Variants in FANCD2 observed in about 807,000 individuals in gnomAD.
FANCD2 encodes Fanconi anemia group D2 protein.
In FANCD2, 131 loss-of-function variants were observed where a neutral mutation model predicts 192.3. The ratio of observed to expected loss-of-function variants is 0.68; its 90% confidence interval spans 0.59 to 0.79. FANCD2 has a LOEUF of 0.79. FANCD2 is among the 30% of genes least tolerant of loss of function. The pLI, the probability that FANCD2 is intolerant of heterozygous loss-of-function variation, is 0.00. For missense variants in FANCD2, 1,508 were observed against 1,701.6 expected (o/e 0.89, Z 2.00); for synonymous variants, 524 against 612.5 (o/e 0.86, Z 2.13).
At chr3:10,045,691 AC>A (rs2086986169) in intron 14 of FANCD2, 1 of 138,624 alleles carries the variant, frequency 7.2e-6, no homozygotes, top group African/African-American at 2.7e-5. Context: ...AACCTCTGTC[AC>A]CCGGGTTCAA....
At chr3:10,050,992 A>G (rs2087184761) in intron 17 of FANCD2, among the ~76,000 whole-genome samples, 1 of 152,050 alleles carries the variant, frequency 6.6e-6, no homozygotes, top group African/African-American at 2.4e-5. Context: ...AGGCTGAGGC[A>G]GGAGAATCAC....
At chr3:10,078,622 G>T (rs1467246067) in intron 30 of FANCD2, among the ~76,000 whole-genome samples, 1 of 151,310 alleles carries the variant, frequency 6.6e-6, no homozygotes, top group East Asian at 2.0e-4. Flanking sequence ...CCAAAGTGCT[G>T]GGATTACGGG....
intron 18 of FANCD2, among the ~76,000 whole-genome samples, chr3:10,053,092 G>A (rs1415755149): frequency 6.1e-5 from 9 of 147,154 alleles, no homozygotes; most frequent in East Asian, 2.0e-4. Flanking sequence ...TGTTTATTGC[G>A]GCACTATTCA....
intron 11 of FANCD2, 22 bp from the exon 12 acceptor site, chr3:10,043,028 A>T (rs754575756): frequency 1.2e-6 from 2 of 1,600,240 alleles, no homozygotes; most frequent in South Asian, 2.2e-5. Context: ...AGAAAACCAT[A>T]GCTAATATTT....
intron 32 of FANCD2, 110 bp from the exon 33 acceptor site, chr3:10,085,702 T>C (rs1379580438): frequency 3.7e-6 from 3 of 811,684 alleles, no homozygotes; most frequent in East Asian, 5.0e-5. Flanking sequence ...TCAATTCTTT[T>C]TTCAAACCGT....
chr3:10,028,233 C>G (rs1207728763), intron 1 of FANCD2, among the ~76,000 whole-genome samples: 1 of 152,072 alleles, frequency 6.6e-6, no homozygotes, highest in Non-Finnish European at 1.5e-5. Context: ...ACTGTAAATT[C>G]CCTGAGGACA....
Position 10,064,859 on chromosome 3 carries a change from C to G in FANCD2, c.2152C>G (p.Gln718Glu), listed in dbSNP as rs774707377. The G allele has an allele frequency of 1.2e-6, 2 of 1,613,650 alleles. No individual in the cohort carries two copies. The highest frequency in any genetic ancestry group is 2.7e-5 in the African/African-American group (2 of 74,910). ...FAKDGGPVTS[Q>E]ESGQKLVSPL... is the part of the protein sequence containing the mutation. ...AAAAGATGGGGGTCCGGTGACCTCACAGGAATCAGGCCAAAAGTCAGTATA... is the reference window on the plus strand; with the variant it reads ...AAAAGATGGGGGTCCGGTGACCTCAGAGGAATCAGGCCAAAAGTCAGTATA... The change falls in exon 23 of 44, where the codon CAG becomes GAG. Residue 718 changes from glutamine (Q) to glutamate (E), a missense_variant. This residue lies in a region of FANCD2 where 796 missense variants were observed against 879.4 expected (regional missense o/e 0.91). Coordinates refer to ENST00000675286, the MANE Select transcript of FANCD2 (RefSeq NM_001018115.3).
chr3:10,043,957 C>T (rs1465975682), intron 14 of FANCD2, 93 bp downstream of exon 14: 5 of 1,038,184 alleles, frequency 4.8e-6, no homozygotes, highest in Non-Finnish European at 7.4e-6. Context: ...TTTCTCCCCC[C>T]TCCAGTCACT....
At chr3:10,088,043 A>C (rs1033632771) in intron 34 of FANCD2, among the ~76,000 whole-genome samples, 2 of 152,220 alleles carry the variant, frequency 1.3e-5, no homozygotes, top group Non-Finnish European at 2.9e-5. Flanking sequence ...ATGCAAAACA[A>C]ACCTTTATTT....
chr3:10,033,128 A>G (rs904300882), intron 3 of FANCD2, among the ~76,000 whole-genome samples, 156 bp downstream of exon 3: 27 of 152,306 alleles, frequency 1.8e-4, no homozygotes, highest in African/African-American at 6.0e-4. Flanking sequence ...TGGTACAGTC[A>G]GGCCGGGCGC....
Position 10,032,935 on chromosome 3 carries a change from AATT to A in FANCD2, c.172_174del (p.Ile58del), listed in dbSNP as rs2086639251. The stretch of plus-strand genomic sequence containing the variant: ...TTGTAAAGCTTCTTAAGATATCAGG[AATT>A]ATTCTTAAAACGGGAGAGAGTCAGA... On this transcript the variant is annotated inframe_deletion, in exon 3 of 44. Transcript: ENST00000675286. 1 of 1,591,394 alleles carries A rather than the reference AATT, an allele frequency of 6.3e-7. No homozygotes were observed. The highest frequency in any genetic ancestry group is 1.3e-5 in the African/African-American group (1 of 74,564).
intron 29 of FANCD2, among the ~76,000 whole-genome samples, chr3:10,077,347 C>A (rs988666972): frequency 6.6e-6 from 1 of 152,074 alleles, no homozygotes; most frequent in African/African-American, 2.4e-5. Context: ...CACCTGAGGT[C>A]GGGTTTGAGA....
In FANCD2 at chr3:10,101,377, C is replaced by CTTTT. The variant is rs950337384; in HGVS notation, c.*137_*140dup. ...ACTGGTAGGATCCTTTTTTGTTCCT[C>CTTTT]TTTTTTTTTTTTTTTTTTTTTTTTT... On this transcript the variant is annotated 3_prime_UTR_variant, in exon 44 of 44. Transcript: ENST00000675286. The CTTTT allele has an allele frequency of 1.0e-4, 40 of 388,382 alleles. No individual in the cohort carries two copies. Among genetic ancestry groups the CTTTT allele is most frequent in the East Asian group, 1.3e-4 (3 of 22,268 alleles). The allele number at this position is 388,382 out of a possible 1,614,324, so 24.1% of individuals were successfully genotyped here. A position where few individuals can be genotyped will look rare whatever the true frequency, so the allele number is the denominator to read the frequency against.
chr3:10,098,216 T>G (rs1695093789), intron 42 of FANCD2, among the ~76,000 whole-genome samples: 1 of 152,188 alleles, frequency 6.6e-6, no homozygotes, highest in Admixed American at 6.5e-5. Context: ...GCATAAAAAT[T>G]GAAGCTCAGA....
At chr3:10,043,768 A>C (rs1212298274) in intron 13 of FANCD2, 61 bp from the exon 14 acceptor site, 1 of 1,444,728 alleles carries the variant, frequency 6.9e-7, no homozygotes, top group East Asian at 2.3e-5. Flanking sequence ...ATGCTGAATA[A>C]GGTGTAACGT....
At chr3:10,043,203 CAGAGTT>C (rs1559375452) in intron 12 of FANCD2, 53 bp downstream of exon 12, 5 of 1,334,778 alleles carry the variant, frequency 3.7e-6, no homozygotes, top group East Asian at 2.3e-5. Context: ...ATCCCACTGT[CAGAGTT>C]AGAGCTTAAT....
Position 10,101,193 on chromosome 3 carries a change from TGAA to T in FANCD2, c.4293_4295del (p.Glu1431del). 6.2e-7 allele frequency: 1 copy of T among 1,612,410 alleles called. No individual in the cohort carries two copies. Among genetic ancestry groups the T allele is most frequent in the Non-Finnish European group, 8.5e-7 (1 of 1,178,540 alleles). On this transcript the variant is annotated inframe_deletion, in exon 44 of 44. Transcript: ENST00000675286. ...ATTTATTCTTTGCCCCTTAGGATGG[TGAA>T]GAAGACGAAGTAAGTGCTGGAGAAA...
chr3:10,092,805 C>T (rs1026207580), intron 38 of FANCD2, among the ~76,000 whole-genome samples: 2 of 149,022 alleles, frequency 1.3e-5, no homozygotes, highest in Non-Finnish European at 3.0e-5. Context: ...AATCTTCCCA[C>T]TGAAGCCTCT....
intron 26 of FANCD2, among the ~76,000 whole-genome samples, chr3:10,070,991 C>A (rs1323156759): frequency 2.0e-5 from 3 of 147,500 alleles, no homozygotes; most frequent in African/African-American, 7.5e-5. Flanking sequence ...ACAAACACTG[C>A]GGAAGGCCGC....
Sources: gnomAD v4.1 joint callset for allele counts (sites outside exome capture counted in the v4.1 genomes callset) on GRCh38, gnomAD v4.1.1 for gene constraint, gnomAD v4.1.1 regional missense constraint, MANE v1.5 for transcripts, NCBI Gene and HGNC (gene_info 2026-07-23, HGNC 2026-07-21) for gene names.